TTC28: variants seen among roughly 807,000 people sequenced by gnomAD.
TTC28 encodes tetratricopeptide repeat domain 28.
TTC28 carries 61 observed loss-of-function variants against 198.0 expected under a neutral mutation model. The ratio of observed to expected loss-of-function variants is 0.31; its 90% CI spans 0.25 to 0.38. TTC28 has a LOEUF of 0.38. TTC28 is among the 10% of genes least tolerant of loss of function. TTC28 has a pLI of 1.00. For missense variants in TTC28, 2,678 were observed against 3,164.0 expected, an observed-to-expected ratio of 0.85 and a Z score of 3.69; for synonymous variants, 1,171 against 1,297.8, an observed-to-expected ratio of 0.90 and a Z score of 2.10.
At chr22:28,453,680 A>G (rs150701232) in intron 2 of TTC28, among the ~76,000 whole-genome samples, 1 of 152,186 alleles carries the variant, frequency 6.6e-6, no homozygotes, top group East Asian at 1.9e-4. Context: ...ACAAAATCTA[A>G]TCCAAATCTT....
At chr22:28,397,564 C>T (rs1021679338) in intron 2 of TTC28, among the ~76,000 whole-genome samples, 2 of 152,174 alleles carry the variant, frequency 1.3e-5, no homozygotes, top group African/African-American at 2.4e-5. Flanking sequence ...ATACAAACCA[C>T]GGATGCTTCT....
intron 12 of TTC28, among the ~76,000 whole-genome samples, chr22:28,047,023 A>G (rs771336094): frequency 6.6e-6 from 1 of 152,108 alleles, no homozygotes; most frequent in Non-Finnish European, 1.5e-5. Flanking sequence ...GTGGTCAGAG[A>G]CGGCCAGAGA....
At chr22:28,257,641 GA>G (rs561822062) in intron 5 of TTC28, among the ~76,000 whole-genome samples, 2 of 148,774 alleles carry the variant, frequency 1.3e-5, no homozygotes, top group South Asian at 2.1e-4. Flanking sequence ...ATGAATGGGG[GA>G]AAAAAGAATA....
At chr22:28,408,938 G>A (rs977315969) in intron 2 of TTC28, among the ~76,000 whole-genome samples, 8 of 152,214 alleles carry the variant, frequency 5.3e-5, no homozygotes, top group Non-Finnish European at 1.0e-4. Flanking sequence ...AATTTCTTCA[G>A]ATCATGTTTC....
At chr22:28,448,408 G>C (rs921514817) in intron 2 of TTC28, among the ~76,000 whole-genome samples, 1 of 152,086 alleles carries the variant, frequency 6.6e-6, no homozygotes, top group Non-Finnish European at 1.5e-5. Flanking sequence ...GCCTGAAAAG[G>C]CTAGCCTCAT....
intron 12 of TTC28, among the ~76,000 whole-genome samples, chr22:28,054,712 G>C (rs560637944): frequency 6.6e-6 from 1 of 152,210 alleles, no homozygotes; most frequent in South Asian, 2.1e-4. Flanking sequence ...CTACACCCTT[G>C]GAATGTTCCA....
At chr22:28,009,678 T>G (rs1049604396) in intron 14 of TTC28, among the ~76,000 whole-genome samples, 2 of 152,150 alleles carry the variant, frequency 1.3e-5, no homozygotes, top group Non-Finnish European at 2.9e-5. Context: ...CGGCCTCGGG[T>G]GCTGGCCTCC....
chr22:28,071,763 A>G (rs1053678173), intron 12 of TTC28, among the ~76,000 whole-genome samples: 1 of 151,530 alleles, frequency 6.6e-6, no homozygotes, highest in Non-Finnish European at 1.5e-5. Flanking sequence ...AAAAAAAAAA[A>G]AAGAAAAACA....
intron 6 of TTC28, among the ~76,000 whole-genome samples, chr22:28,137,435 C>T (rs1943224832): frequency 1.3e-5 from 2 of 152,164 alleles, no homozygotes; most frequent in Admixed American, 1.3e-4. Flanking sequence ...AGCAGACCAG[C>T]AAGTTAACTA....
intron 2 of TTC28, among the ~76,000 whole-genome samples, chr22:28,489,381 A>G (rs951027208): frequency 6.6e-6 from 1 of 152,140 alleles, no homozygotes; most frequent in Non-Finnish European, 1.5e-5. Flanking sequence ...CTATGATACA[A>G]CCATAACTAT....
At position 28,622,323 on chromosome 22, in the gene TTC28, G is replaced by A. The variant is rs897255677; in HGVS notation, c.381+7229C>T. Among the ~76,000 whole-genome samples, 14 of 152,254 alleles carry A rather than the reference G, an allele frequency of 9.2e-5. 1 individual carries two copies. The highest frequency in any genetic ancestry group is 7.2e-4 in the Admixed American group (11 of 15,290). ...CTACTCACATCTTTGGCTAACCACT[G>A]AGTCACACATGTACGGAACAAATTT... is the stretch of plus-strand genomic sequence containing the variant. On this transcript the variant is annotated intron_variant, in intron 2 of 22. Coordinates refer to ENST00000397906, the MANE Select transcript of TTC28 (RefSeq NM_001145418.2).
At chr22:28,282,922 CCCTGG>C (rs1217950323) in intron 5 of TTC28, among the ~76,000 whole-genome samples, 1 of 152,060 alleles carries the variant, frequency 6.6e-6, no homozygotes, top group Non-Finnish European at 1.5e-5. Flanking sequence ...TACATATATT[CCCTGG>C]GTGTACAATT....
chr22:28,657,555 T>C (rs763602131), intron 1 of TTC28, among the ~76,000 whole-genome samples: 1 of 152,210 alleles, frequency 6.6e-6, no homozygotes, highest in African/African-American at 2.4e-5. Context: ...AGTAAATCAA[T>C]TCACAGATGT....
intron 2 of TTC28, among the ~76,000 whole-genome samples, chr22:28,407,607 T>C (rs2047018204): frequency 6.6e-6 from 1 of 152,226 alleles, no homozygotes. Flanking sequence ...ATTGCTTCAC[T>C]GCCTGATTAA....
chr22:28,380,205 A>G (rs908921955), intron 2 of TTC28, among the ~76,000 whole-genome samples: 2 of 152,036 alleles, frequency 1.3e-5, no homozygotes, highest in Non-Finnish European at 2.9e-5. Flanking sequence ...CAAGAGCTGA[A>G]AGCCCCACTG....
intron 2 of TTC28, among the ~76,000 whole-genome samples, chr22:28,583,814 A>G (rs2050267439): frequency 6.6e-6 from 1 of 152,182 alleles, no homozygotes; most frequent in Admixed American, 6.5e-5. Flanking sequence ...ATCTCTTTCA[A>G]CTTAGCAAAA....
At chr22:28,241,435 T>A (rs1601520732) in intron 5 of TTC28, among the ~76,000 whole-genome samples, 3 of 152,172 alleles carry the variant, frequency 2.0e-5, no homozygotes, top group South Asian at 4.2e-4. Context: ...AGATCAAACA[T>A]TACTGGGATA....
intron 13 of TTC28, 106 bp from the exon 14 acceptor site, chr22:28,014,498 A>C: frequency 1.5e-6 from 2 of 1,304,798 alleles, no homozygotes; most frequent in Non-Finnish European, 2.0e-6. Flanking sequence ...CTGAGGCTTC[A>C]CAGCAGCAAC....
At chr22:28,491,272 A>G (rs1016492346) in intron 2 of TTC28, among the ~76,000 whole-genome samples, 1 of 152,208 alleles carries the variant, frequency 6.6e-6, no homozygotes, top group Non-Finnish European at 1.5e-5. Context: ...ATCTAATTAA[A>G]CTAAAGAGCT....
Sources: gnomAD v4.1 joint callset for allele counts (sites outside exome capture counted in the v4.1 genomes callset) on GRCh38, gnomAD v4.1.1 for gene constraint, MANE v1.5 for transcripts, NCBI Gene and HGNC (gene_info 2026-07-23, HGNC 2026-07-21) for gene names.